FILIP1L: variants seen among roughly 807,000 people sequenced by gnomAD.
FILIP1L encodes filamin A-interacting protein 1-like.
Under a neutral mutation model 96.6 loss-of-function variants are expected in FILIP1L, and 55 were observed. That is an observed-to-expected ratio of 0.57 (90% CI 0.46 to 0.71). The LOEUF is 0.71. Ranked by LOEUF, FILIP1L falls within the 30% of genes least tolerant of loss-of-function variation. FILIP1L has a pLI of 0.00. For synonymous variants in FILIP1L, 467 were observed against 473.9 expected (o/e 0.99, Z 0.19); for missense variants, 1,304 against 1,321.2 (o/e 0.99, Z 0.20).
At chr3:99,992,520 T>G (rs979164875) in intron 1 of FILIP1L, among the ~76,000 whole-genome samples, 8 of 152,162 alleles carry the variant, frequency 5.3e-5, no homozygotes, top group African/African-American at 1.9e-4. Flanking sequence ...TATTTGGTTT[T>G]TTTCTTGTTG....
chr3:99,839,977 C>T (rs1051300968), intron 5 of FILIP1L, among the ~76,000 whole-genome samples: 12 of 152,144 alleles, frequency 7.9e-5, no homozygotes, highest in South Asian at 2.1e-4. Context: ...AACCAGAGGG[C>T]GATTTTGCCC....
intron 4 of FILIP1L, among the ~76,000 whole-genome samples, chr3:99,873,126 T>C (rs555288514): frequency 1.4e-4 from 22 of 152,276 alleles, no homozygotes; most frequent in Non-Finnish European, 2.9e-4. Flanking sequence ...GAAAATGTTG[T>C]GGTGATGACA....
chr3:99,906,928 A>C (rs1472224874), intron 4 of FILIP1L, among the ~76,000 whole-genome samples: 1 of 152,248 alleles, frequency 6.6e-6, no homozygotes, highest in Non-Finnish European at 1.5e-5. Context: ...CATGTGGATG[A>C]AGACAACTCT....
chr3:99,934,167 A>T (rs1707583072), intron 1 of FILIP1L, among the ~76,000 whole-genome samples: 1 of 152,184 alleles, frequency 6.6e-6, no homozygotes, highest in African/African-American at 2.4e-5. Context: ...AGCTCCCAAC[A>T]TCTCATTTGT....
intron 4 of FILIP1L, among the ~76,000 whole-genome samples, chr3:99,899,984 A>G (rs918417469): frequency 1.3e-5 from 2 of 152,216 alleles, no homozygotes; most frequent in South Asian, 4.1e-4. Flanking sequence ...GATCTTTGAA[A>G]TCGTATAATT....
intron 1 of FILIP1L, among the ~76,000 whole-genome samples, chr3:100,055,107 A>C (rs989120805): frequency 4.6e-5 from 7 of 152,012 alleles, no homozygotes; most frequent in African/African-American, 1.7e-4. Context: ...ACTCTTACCA[A>C]AGTCCTCGTG....
chr3:99,906,335 C>T (rs1258551381), intron 4 of FILIP1L, among the ~76,000 whole-genome samples: 2 of 151,950 alleles, frequency 1.3e-5, no homozygotes, highest in Non-Finnish European at 2.9e-5. Flanking sequence ...TCTTTAAGGC[C>T]CCTTCAAGTC....
Position 99,833,155 on chromosome 3 carries a change from G to C in FILIP1L, c.3382-2550C>G. Reference sequence around the variant, plus strand: ...GGAAAGCTCATTCATAGAAGAAAACGATTTTTTAATAAATGCTTAACCCAG... The same window carrying C: ...GGAAAGCTCATTCATAGAAGAAAACCATTTTTTAATAAATGCTTAACCCAG... On this transcript the variant is annotated intron_variant, in intron 5 of 5. Coordinates refer to ENST00000477258, the MANE Select transcript of FILIP1L (RefSeq NM_001387850.1). 7 of 1,327,960 alleles carry C rather than the reference G, an allele frequency of 5.3e-6. No individual in the cohort carries two copies. The South Asian group carries it at 8.7e-5, about 17-fold the overall frequency. 82.3% of individuals were successfully genotyped at this position (1,327,960 alleles called of 1,614,324 possible).
chr3:100,099,094 G>A (rs924726097), intron 1 of FILIP1L, among the ~76,000 whole-genome samples: 7 of 152,158 alleles, frequency 4.6e-5, no homozygotes, highest in African/African-American at 1.7e-4. Context: ...ACCCAGAGAA[G>A]TTTTGAACTG....
At chr3:100,043,947 TC>T (rs1287861903) in intron 1 of FILIP1L, among the ~76,000 whole-genome samples, 4 of 152,234 alleles carry the variant, frequency 2.6e-5, no homozygotes, top group African/African-American at 9.6e-5. Flanking sequence ...TACTTGTCTT[TC>T]TGTGCCTAGC....
intron 1 of FILIP1L, among the ~76,000 whole-genome samples, chr3:99,975,507 G>A (rs1484008157): frequency 6.6e-6 from 1 of 151,858 alleles, no homozygotes; most frequent in African/African-American, 2.4e-5. Context: ...CAGGAGAATT[G>A]CTTGAACCCG....
At position 99,850,242 on chromosome 3, in the gene FILIP1L, C is replaced by G; in HGVS notation, c.1434G>C (p.Arg478=). ...TTAGAGTGAATTCTGTCTTTTCTAG[C>G]CGACTTTCAATGGCTTCTAGCTCTT... ...RIKELEAIES[R]LEKTEFTLKE... The change falls in exon 5 of 6, where the codon CGG becomes CGC. Residue 478 remains arginine, a synonymous_variant. Coordinates refer to ENST00000477258, the MANE Select transcript of FILIP1L (RefSeq NM_001387850.1). The G allele has an allele frequency of 6.2e-7, 1 of 1,613,708 alleles. No individual in the cohort carries two copies. Among genetic ancestry groups the G allele is most frequent in the Non-Finnish European group, 8.5e-7 (1 of 1,179,986 alleles).
At chr3:99,860,363 A>G (rs541677440) in intron 4 of FILIP1L, among the ~76,000 whole-genome samples, 1 of 152,288 alleles carries the variant, frequency 6.6e-6, no homozygotes, top group Admixed American at 6.5e-5. Flanking sequence ...TGACCCATTA[A>G]TTATAAGGAG....
At position 99,883,200 on chromosome 3, in the gene FILIP1L, G is replaced by A. The variant is rs1402955499; in HGVS notation, c.606-32130C>T. ...AGTCTAGTTGTTATTAATCAGTGCCGAACAGCTCCAGAGATTTTTTACTTC... is the reference window on the plus strand; with the variant it reads ...AGTCTAGTTGTTATTAATCAGTGCCAAACAGCTCCAGAGATTTTTTACTTC... On this transcript the variant is annotated intron_variant, in intron 4 of 5. Transcript: ENST00000477258. 3.9e-5 allele frequency among the ~76,000 whole-genome samples: 6 copies of A among 152,110 alleles called. No homozygotes were observed. The East Asian group carries it at 5.8e-4, about 15-fold the overall frequency.
intron 5 of FILIP1L, among the ~76,000 whole-genome samples, chr3:99,836,367 A>G (rs1233643819): frequency 6.6e-6 from 1 of 152,192 alleles, no homozygotes; most frequent in Non-Finnish European, 1.5e-5. Context: ...AGAGCAGTTC[A>G]AGAAAGATAG....
chr3:99,886,150 T>C (rs922359084), intron 4 of FILIP1L, among the ~76,000 whole-genome samples: 3 of 152,248 alleles, frequency 2.0e-5, no homozygotes, highest in Admixed American at 6.5e-5. Context: ...TTTATAGATA[T>C]AGAAGAGTCC....
chr3:100,101,142 A>G (rs1288866273), intron 1 of FILIP1L, among the ~76,000 whole-genome samples: 2 of 152,174 alleles, frequency 1.3e-5, no homozygotes, highest in Non-Finnish European at 2.9e-5. Context: ...AAACACATGT[A>G]TTAGCCTCTC....
At position 99,845,580 on chromosome 3, in the gene FILIP1L, A is replaced by G. The variant is rs80186365; in HGVS notation, c.3381+2715T>C. On this transcript the variant is annotated intron_variant, in intron 5 of 5. Coordinates refer to ENST00000477258, the MANE Select transcript of FILIP1L (RefSeq NM_001387850.1). The stretch of plus-strand genomic sequence containing the variant: ...GGGGGAGTTCTATGATTATCTGTCA[A>G]TGAAAAAGGAAGTTCTGTAATCTTC... 6.8e-4 allele frequency among the ~76,000 whole-genome samples: 103 copies of G among 152,274 alleles called. 1 individual carries two copies. Among genetic ancestry groups the G allele is most frequent in the East Asian group, 5.8e-3 (30 of 5,186 alleles).
chr3:99,961,936 C>T (rs1284682436), intron 1 of FILIP1L, among the ~76,000 whole-genome samples: 1 of 152,146 alleles, frequency 6.6e-6, no homozygotes, highest in African/African-American at 2.4e-5. Flanking sequence ...TGATTCCTGC[C>T]CTTCAGGAAC....
Sources: gnomAD v4.1 joint callset for allele counts (sites outside exome capture counted in the v4.1 genomes callset) on GRCh38, gnomAD v4.1.1 for gene constraint, MANE v1.5 for transcripts, NCBI Gene and HGNC (gene_info 2026-07-23, HGNC 2026-07-21) for gene names.